The following CDH18 variants were observed in gnomAD, a reference collection of about 807,000 sequenced individuals.
The protein encoded by CDH18 is cadherin 18.
In CDH18, 31 loss-of-function variants were observed where a neutral mutation model predicts 67.9. The observed-to-expected ratio is 0.46, with a 90% CI of 0.34 to 0.62. CDH18 has a LOEUF of 0.62. CDH18 is among the 20% of genes least tolerant of loss of function. CDH18 has a pLI of 0.01. For synonymous variants in CDH18, 362 were observed against 347.2 expected (o/e 1.04, Z -0.48); for missense variants, 890 against 975.5 (o/e 0.91, Z 1.17).
At chr5:20,552,716 T>G (rs1207953895) in intron 1 of CDH18, among the ~76,000 whole-genome samples, 1 of 152,138 alleles carries the variant, frequency 6.6e-6, no homozygotes, top group African/African-American at 2.4e-5. Context: ...ACGTGAAATT[T>G]CATTTTCTCA....
At chr5:20,451,211 A>G (rs956788559) in intron 1 of CDH18, among the ~76,000 whole-genome samples, 1 of 152,168 alleles carries the variant, frequency 6.6e-6, no homozygotes, top group Non-Finnish European at 1.5e-5. Flanking sequence ...TTTTTCATCA[A>G]TGTTCCATCT....
At chr5:20,513,512 T>C (rs1755172593) in intron 1 of CDH18, among the ~76,000 whole-genome samples, 1 of 152,122 alleles carries the variant, frequency 6.6e-6, no homozygotes, top group African/African-American at 2.4e-5. Flanking sequence ...GTAAAAATAA[T>C]AAACAATGCA....
chr5:19,687,110 G>A (rs1292975057), intron 5 of CDH18, among the ~76,000 whole-genome samples: 2 of 152,182 alleles, frequency 1.3e-5, no homozygotes, highest in Non-Finnish European at 2.9e-5. Context: ...CTGGGAGCCT[G>A]GAAAGGCTCC....
At chr5:20,305,492 T>C (rs542245167) in intron 1 of CDH18, 2 of 1,190,064 alleles carry the variant, frequency 1.7e-6, no homozygotes, top group East Asian at 2.4e-5. Flanking sequence ...TCGCTGGGTC[T>C]TGGGTGCCGC....
At chr5:20,543,236 A>T (rs1212468124) in intron 1 of CDH18, among the ~76,000 whole-genome samples, 1 of 147,848 alleles carries the variant, frequency 6.8e-6, no homozygotes, top group Non-Finnish European at 1.5e-5. Context: ...TCAGAGTAAC[A>T]GGTAAAATAG....
rs541394969 is a variant in CDH18 at position 20,565,756 on chromosome 5, T to TAAA, written c.-580+9703_-580+9705dup. Among the ~76,000 whole-genome samples the TAAA allele has an allele frequency of 1.4e-3, 206 of 142,466 alleles. 1 individual carries two copies. The highest frequency in any genetic ancestry group is 5.6e-3 in the South Asian group (24 of 4,284). 93.5% of individuals were successfully genotyped at this position (142,466 alleles called of 152,430 possible). A position where few individuals can be genotyped will look rare whatever the true frequency, so the allele number is the denominator to read the frequency against. ...TTGCGTTCCTCCTTGTACGTTATGA[T>TAAA]AAAAAAAAAAAAAAAGTTCCAGCAT... On this transcript the variant is annotated intron_variant, in intron 1 of 14. Transcript: ENST00000507958.
At chr5:20,262,985 G>T (rs1329201335) in intron 1 of CDH18, among the ~76,000 whole-genome samples, 1 of 125,744 alleles carries the variant, frequency 8.0e-6, no homozygotes, top group African/African-American at 3.0e-5. Context: ...GAAGGGAAGG[G>T]AAGGGAGGGA....
chr5:19,847,215 T>G (rs543758086), intron 2 of CDH18, among the ~76,000 whole-genome samples: 2 of 152,254 alleles, frequency 1.3e-5, no homozygotes, highest in Non-Finnish European at 2.9e-5. Context: ...TTAAGTAAAC[T>G]CATTGATCTT....
intron 2 of CDH18, among the ~76,000 whole-genome samples, chr5:20,075,231 G>A (rs1190135749): frequency 3.3e-5 from 5 of 152,204 alleles, no homozygotes; most frequent in East Asian, 1.9e-4. Flanking sequence ...TTGGCTGGAC[G>A]CAGTGGATCA....
intron 3 of CDH18, among the ~76,000 whole-genome samples, chr5:19,815,411 C>T (rs1241230356): frequency 6.6e-6 from 1 of 151,818 alleles, no homozygotes; most frequent in African/African-American, 2.4e-5. Flanking sequence ...TCTTGTTGTA[C>T]ATTTAATTTT....
At chr5:20,005,627 T>C (rs544067407) in intron 2 of CDH18, among the ~76,000 whole-genome samples, 4 of 151,614 alleles carry the variant, frequency 2.6e-5, no homozygotes, top group South Asian at 2.1e-4. Flanking sequence ...TACACACACA[T>C]ATATATATAA....
At chr5:19,686,477 T>C (rs1761109025) in intron 5 of CDH18, among the ~76,000 whole-genome samples, 1 of 152,170 alleles carries the variant, frequency 6.6e-6, no homozygotes, top group South Asian at 2.1e-4. Flanking sequence ...GATATGGATG[T>C]TGGTGGCTCA....
chr5:20,141,346 T>C (rs1433248999), intron 2 of CDH18, among the ~76,000 whole-genome samples: 1 of 152,154 alleles, frequency 6.6e-6, no homozygotes, highest in Non-Finnish European at 1.5e-5. Context: ...AGGATAATAG[T>C]AAAGCATCCT....
intron 1 of CDH18, among the ~76,000 whole-genome samples, chr5:20,350,134 C>A (rs1176221941): frequency 3.3e-5 from 5 of 152,112 alleles, no homozygotes; most frequent in Non-Finnish European, 5.9e-5. Context: ...TCCTTGCTTA[C>A]TGATTTATTC....
At chr5:20,236,081 G>A (rs1249074194) in intron 2 of CDH18, among the ~76,000 whole-genome samples, 3 of 152,042 alleles carry the variant, frequency 2.0e-5, no homozygotes, top group Non-Finnish European at 4.4e-5. Context: ...GGTCATACAA[G>A]AGGTGAGGAG....
intron 1 of CDH18, among the ~76,000 whole-genome samples, chr5:20,260,325 G>C (rs1288374533): frequency 6.6e-6 from 1 of 151,916 alleles, no homozygotes; most frequent in African/African-American, 2.4e-5. Context: ...TATAAATTGG[G>C]AGAGTTGGGG....
At chr5:20,220,590 C>A (rs527291860) in intron 2 of CDH18, among the ~76,000 whole-genome samples, 1 of 151,876 alleles carries the variant, frequency 6.6e-6, no homozygotes, top group African/African-American at 2.4e-5. Context: ...TAGTACTCCA[C>A]GAGCTCAGTC....
intron 3 of CDH18, among the ~76,000 whole-genome samples, chr5:19,813,521 G>A (rs1336657457): frequency 6.6e-6 from 1 of 151,818 alleles, no homozygotes; most frequent in Non-Finnish European, 1.5e-5. Context: ...AGACTCTTCA[G>A]AAAAAAGACA....
At chr5:19,487,347 CT>C (rs1454274729) in intron 11 of CDH18, among the ~76,000 whole-genome samples, 3 of 152,112 alleles carry the variant, frequency 2.0e-5, no homozygotes, top group Admixed American at 6.5e-5. Flanking sequence ...TTCTGCTTCT[CT>C]TTATTGAAAG....
Sources: gnomAD v4.1 joint callset for allele counts (sites outside exome capture counted in the v4.1 genomes callset) on GRCh38, gnomAD v4.1.1 for gene constraint, MANE v1.5 for transcripts, NCBI Gene and HGNC (gene_info 2026-07-23, HGNC 2026-07-21) for gene names.